The following KIF24 variants were observed in gnomAD, a reference collection of about 807,000 sequenced individuals.
KIF24 encodes kinesin family member 24.
Under a neutral mutation model 118.9 loss-of-function variants are expected in KIF24, and 81 were observed. The ratio of observed to expected loss-of-function variants is 0.68; its 90% CI spans 0.57 to 0.82. The LOEUF (loss-of-function observed/expected upper bound fraction) is 0.82, where lower values mean the gene tolerates loss of function less well. Ranked by LOEUF, KIF24 falls within the 40% of genes least tolerant of loss-of-function variation. The pLI is 0.00. For missense variants in KIF24, 1,560 were observed against 1,661.6 expected, an observed-to-expected ratio of 0.94 and a Z score of 1.06; for synonymous variants, 599 against 610.0, an observed-to-expected ratio of 0.98 and a Z score of 0.27.
intron 8 of KIF24, among the ~76,000 whole-genome samples, chr9:34,267,125 G>A (rs12005844): frequency 0.2 from 29,983 of 151,858 alleles, 3,199 homozygotes; most frequent in African/African-American, 0.24. Context: ...ACATACAGAA[G>A]GAATATTAGA....
chr9:34,265,221 T>G (rs1389727972), intron 8 of KIF24, among the ~76,000 whole-genome samples: 3 of 152,206 alleles, frequency 2.0e-5, no homozygotes, highest in African/African-American at 7.2e-5. Context: ...CAGGCTGGAG[T>G]GCAGTAGCAC....
Position 34,257,491 on chromosome 9 carries a change from C to A in KIF24, c.2116G>T (p.Val706Leu), listed in dbSNP as rs1218975454. The stretch of plus-strand genomic sequence containing the variant: ...TTCTGTACTGGCTGCACTGTCTGCA[C>A]TTTCTTGCACTTGGTGGACAGCTTA... ...RGKLSTKCKK[V>L]QTVQPVQKQL... Residue 706 changes from valine to leucine, a missense_variant, in exon 11 of 13, where the codon GTG (valine) becomes TTG (leucine). Transcript: ENST00000402558. 1 of 1,614,090 alleles carries A rather than the reference C, an allele frequency of 6.2e-7. No individual in the cohort carries two copies. The highest frequency in any genetic ancestry group is 2.2e-5 in the East Asian group (1 of 44,888).
At chr9:34,323,609 A>T (rs1410686352) in intron 1 of KIF24, among the ~76,000 whole-genome samples, 1 of 152,240 alleles carries the variant, frequency 6.6e-6, no homozygotes, top group African/African-American at 2.4e-5. Context: ...AAATACTTTC[A>T]ACAGAATATA....
At chr9:34,294,129 AT>A (rs1482854984) in intron 4 of KIF24, among the ~76,000 whole-genome samples, 9 of 151,904 alleles carry the variant, frequency 5.9e-5, no homozygotes, top group African/African-American at 1.9e-4. Context: ...AATTAAAAAA[AT>A]TTTTTTTAGA....
At position 34,256,252 on chromosome 9, in the gene KIF24, G is replaced by C; in HGVS notation, c.3355C>G (p.Pro1119Ala). The change falls in exon 11 of 13, where the codon CCT becomes GCT. Residue 1119 changes from proline to alanine, a missense_variant. Physicochemically the swap from Pro to Ala is conservative, Grantham distance 27 (BLOSUM62 -1). Transcript: ENST00000402558. ...TRHLWLSSSP[P>A]DNKPGGDLPA... is the part of the protein sequence containing the mutation. ...AGATCACCACCAGGCTTATTATCAG[G>C]GGGAGATGAGGACAGCCACAGGTGC... 1 of 1,605,902 alleles carries C rather than the reference G, an allele frequency of 6.2e-7. No individual in the cohort carries two copies. The highest frequency in any genetic ancestry group is 8.5e-7 in the Non-Finnish European group (1 of 1,175,690).
At chr9:34,269,208 G>C (rs1372648665) in intron 8 of KIF24, 49 bp downstream of exon 8, 1 of 1,061,720 alleles carries the variant, frequency 9.4e-7, no homozygotes, top group South Asian at 1.3e-5. Context: ...GTATGTAATG[G>C]GCAGTCTTTC....
At chr9:34,288,516 G>A (rs1450109851) in intron 5 of KIF24, among the ~76,000 whole-genome samples, 3 of 151,624 alleles carry the variant, frequency 2.0e-5, no homozygotes, top group Non-Finnish European at 2.9e-5. Flanking sequence ...AATCAACAGG[G>A]TAAAGCATAA....
chr9:34,326,445 C>T (rs1033491025), intron 1 of KIF24, among the ~76,000 whole-genome samples: 1 of 152,114 alleles, frequency 6.6e-6, no homozygotes, highest in African/African-American at 2.4e-5. Context: ...AATCAATAAG[C>T]GGTAGTTTTA....
Position 34,252,803 on chromosome 9 carries a change from G to C in KIF24, c.*1577C>G, listed in dbSNP as rs1158120829. 1 of 152,148 alleles carries C rather than the reference G, an allele frequency of 6.6e-6. No individual in the cohort carries two copies. The highest frequency in any genetic ancestry group is 1.5e-5 in the Non-Finnish European group (1 of 68,066). 9.4% of individuals were successfully genotyped at this position (152,148 alleles called of 1,614,324 possible). ...TTGGGATAGGCTGGGCCTTCAGGGG[G>C]ATCACCCAGTAAAAGAGGAAGAAGC... On this transcript the variant is annotated 3_prime_UTR_variant, in exon 13 of 13. Coordinates refer to ENST00000402558, the MANE Select transcript of KIF24 (RefSeq NM_194313.4).
At chr9:34,327,776 G>C (rs990247444) in intron 1 of KIF24, among the ~76,000 whole-genome samples, 1 of 151,670 alleles carries the variant, frequency 6.6e-6, no homozygotes. Context: ...TCAAGGCTGC[G>C]GTGAGCTATT....
At chr9:34,296,981 A>G in intron 4 of KIF24, 36 bp downstream of exon 4, 2 of 1,088,436 alleles carry the variant, frequency 1.8e-6, no homozygotes, top group Admixed American at 2.4e-5. Context: ...AAAATAGAAA[A>G]TAAAAAGCAA....
intron 3 of KIF24, among the ~76,000 whole-genome samples, chr9:34,302,285 C>A (rs899513691): frequency 6.6e-6 from 1 of 151,748 alleles, no homozygotes. Flanking sequence ...GTAATGCCAG[C>A]GCGGTGCCTG....
rs1173862675 is a variant in KIF24 at position 34,318,847 on chromosome 9, C to T, written c.-25-7476G>A. ...TGAGTTTCGCTGATGACTTCGTGCG[C>T]AGCAGCAAGCAGCACTACAACTGCG... On this transcript the variant is annotated intron_variant, in intron 1 of 12. Transcript: ENST00000402558. The surrounding 1 kb of genome is among the most constrained non-coding windows in gnomAD (Gnocchi z 4.9). The T allele has an allele frequency of 1.2e-6, 2 of 1,601,428 alleles. No homozygotes were observed. The highest frequency in any genetic ancestry group is 1.7e-6 in the Non-Finnish European group (2 of 1,170,876).
chr9:34,265,919 G>A (rs1020855517), intron 8 of KIF24, among the ~76,000 whole-genome samples: 6 of 151,668 alleles, frequency 4.0e-5, no homozygotes, highest in African/African-American at 1.2e-4. Context: ...TTGAGACAGG[G>A]TCTTGCTTTG....
At position 34,268,570 on chromosome 9, in the gene KIF24, C is replaced by T. The variant is rs373736957; in HGVS notation, c.1443+687G>A. On this transcript the variant is annotated intron_variant, in intron 8 of 12. Coordinates refer to ENST00000402558, the MANE Select transcript of KIF24 (RefSeq NM_194313.4). Reference sequence around the variant, plus strand: ...TCACCCAGGCTGGGGTGCAATGGCACGATCTCGGCTCACTACAACCTCCAC... The same window carrying T: ...TCACCCAGGCTGGGGTGCAATGGCATGATCTCGGCTCACTACAACCTCCAC... Among the ~76,000 whole-genome samples the T allele has an allele frequency of 7.1e-5, 10 of 141,814 alleles. No homozygotes were observed. In the East Asian group the frequency reaches 1.3e-3, roughly 19 times the overall value. The allele number at this position is 141,814 out of a possible 152,430, so 93.0% of individuals were successfully genotyped here.
chr9:34,305,157 C>T (rs1836864121), intron 3 of KIF24, among the ~76,000 whole-genome samples: 1 of 152,214 alleles, frequency 6.6e-6, no homozygotes, highest in Non-Finnish European at 1.5e-5. Context: ...AAGGTACCTT[C>T]AGCTTGGAAT....
intron 1 of KIF24, among the ~76,000 whole-genome samples, chr9:34,320,332 C>CAAAAAAAAAAAAAAAAAAAA (rs66835823): frequency 1.9e-5 from 2 of 106,332 alleles, no homozygotes; most frequent in Non-Finnish European, 3.7e-5. Flanking sequence ...AATGTTCCAA[C>CAAAAAAAAAAAAAAAAAAAA]AAAAAAAAAA....
chr9:34,257,031 TG>T lies in KIF24; in HGVS notation c.2575del (p.Gln859ArgfsTer30), dbSNP rs1217036152. 1.2e-6 allele frequency: 2 copies of T among 1,614,042 alleles called. No individual in the cohort carries two copies. Among genetic ancestry groups the T allele is most frequent in the East Asian group, 2.2e-5 (1 of 44,890 alleles). On this transcript the variant is annotated frameshift_variant, in exon 11 of 13. Coordinates refer to ENST00000402558, the MANE Select transcript of KIF24 (RefSeq NM_194313.4). LOFTEE classifies it high-confidence loss of function. ...ENSEDSFFLH[Q>X]TWGQGPEKQV... ...CTTCTCAGGACCCTGTCCCCACGTC[TG>T]GTGCAGGAAGAATGAGTCTTCGCTA...
chr9:34,300,324 A>G (rs1836650327), intron 3 of KIF24, among the ~76,000 whole-genome samples: 1 of 152,154 alleles, frequency 6.6e-6, no homozygotes, highest in Admixed American at 6.6e-5. Flanking sequence ...CTTTTGATTA[A>G]GCTTAAAAAG....
Sources: gnomAD v4.1 joint callset for allele counts (sites outside exome capture counted in the v4.1 genomes callset) on GRCh38, gnomAD v4.1.1 for gene constraint, Gnocchi (gnomAD v3.1) non-coding constraint, MANE v1.5 for transcripts, NCBI Gene and HGNC (gene_info 2026-07-23, HGNC 2026-07-21) for gene names.